HELZ2: variants seen among roughly 807,000 people sequenced by gnomAD.
HELZ2 encodes the protein helicase with zinc finger 2.
A neutral mutation model predicts 208.8 loss-of-function variants in HELZ2; 143 were observed. The ratio of observed to expected loss-of-function variants is 0.68; its 90% CI spans 0.60 to 0.79. HELZ2 has a LOEUF of 0.79. HELZ2 is among the 30% of genes least tolerant of loss of function. The probability of loss-of-function intolerance (pLI) is 0.00; values close to 1 mark genes in which losing one functional copy is unlikely to be tolerated. For synonymous variants in HELZ2, 1,705 were observed against 1,693.7 expected, an observed-to-expected ratio of 1.01 and a Z score of -0.16; for missense variants, 3,690 against 3,794.5, an observed-to-expected ratio of 0.97 and a Z score of 0.72.
At chr20:63,567,971 C>T (rs1420320828) in intron 5 of HELZ2, 4 of 537,132 alleles carry the variant, frequency 7.4e-6, no homozygotes, top group East Asian at 6.4e-5. Context: ...GGGAAGGCCC[C>T]GGCCTGGGGA....
At chr20:63,568,639 C>G (rs745402652) in exon 5 of HELZ2, 1 of 1,604,042 alleles carries the variant, frequency 6.2e-7, no homozygotes, top group South Asian at 1.1e-5. Context: ...TGTCCACTGC[C>G]TGGTGCCAGA....
exon 8 of HELZ2, chr20:63,564,474 C>T (rs755685714): frequency 1.3e-6 from 2 of 1,581,770 alleles, no homozygotes; most frequent in Non-Finnish European, 1.7e-6. Flanking sequence ...TCAGACTGGA[C>T]CACGGAGGGT....
At position 63,569,228 on chromosome 20, in the gene HELZ2, G is replaced by C. The variant is rs369559638; in HGVS notation, c.1008C>G (p.Pro336=). 73 of 1,560,152 alleles carry C rather than the reference G, an allele frequency of 4.7e-5. No individual in the cohort carries two copies. The African/African-American group carries it at 8.8e-4, about 19-fold the overall frequency. The change falls in exon 4 of 19, where the codon CCC becomes CCG. Residue 336 remains proline (P), a synonymous_variant. Coordinates refer to ENST00000467148, the Ensembl canonical transcript of HELZ2. ...TCTGCCGATAGTTGGTTGGTGAGAT[G>C]GGGCCCGAGGCCACGCTGCTGCGGT...
At chr20:63,564,857 T>C in exon 8 of HELZ2, 1 of 1,612,038 alleles carries the variant, frequency 6.2e-7, no homozygotes. Flanking sequence ...CGTGTGGTAT[T>C]TCTGCAGCAC....
exon 8 of HELZ2, chr20:63,564,176 A>G: frequency 1.2e-6 from 2 of 1,611,590 alleles, no homozygotes; most frequent in Non-Finnish European, 1.7e-6. Flanking sequence ...CAGAGGCGTG[A>G]CCGTCCGCGT....
rs372412870 is a variant in HELZ2 at position 63,566,332 on chromosome 20, G to T, written c.2590+46C>A. On this transcript the variant is annotated intron_variant, in intron 7 of 18. Coordinates refer to ENST00000467148, the Ensembl canonical transcript of HELZ2. ...CTGAGGAGTGGGCCGAGCCACCCGG[G>T]GTATCCTGGGGCAGCTGGCAGCACC... 2.6e-6 allele frequency: 4 copies of T among 1,532,682 alleles called. No individual in the cohort carries two copies. The East Asian group carries it at 7.3e-5, about 28-fold the overall frequency. The allele number at this position is 1,532,682 out of a possible 1,614,324, so 94.9% of individuals were successfully genotyped here.
chr20:63,569,069 TCCGCTCCCGTTGCCCCAG>T (rs2082992915), intron 4 of HELZ2, 61 bp downstream of exon 5: 10 of 1,587,688 alleles, frequency 6.3e-6, no homozygotes, highest in Non-Finnish European at 7.7e-6. Context: ...CACGCCCCCA[TCCGCTCCCGTTGCCCCAG>T]CCGCTCCCAT....
chr20:63,561,857 G>A (rs1301253301), exon 11 of HELZ2: 30 of 1,566,438 alleles, frequency 1.9e-5, no homozygotes, highest in African/African-American at 1.4e-4. Flanking sequence ...TGGAGGGGCC[G>A]CAGTACAAGA....
At chr20:63,570,651 C>T (rs1240186094) in intron 2 of HELZ2, 34 bp downstream of exon 3, 2 of 1,535,258 alleles carry the variant, frequency 1.3e-6, no homozygotes, top group Admixed American at 3.4e-5. Context: ...GCCTGGACCC[C>T]ACCCCACCCC....
At chr20:63,559,980 G>A (rs747561583) in exon 18 of HELZ2, 3 of 1,612,228 alleles carry the variant, frequency 1.9e-6, no homozygotes, top group Non-Finnish European at 2.5e-6. Context: ...TCACTTGGTT[G>A]GGGTCCACAA....
upstream of HELZ2, chr20:63,572,522 C>G: frequency 1.0e-6 from 1 of 961,232 alleles, no homozygotes; most frequent in Non-Finnish European, 1.5e-6. Context: ...TTGCTTGCGG[C>G]GGCCCTCGGC....
Position 63,567,092 on chromosome 20 carries a change from G to C in HELZ2, c.2266C>G (p.His756Asp), listed in dbSNP as rs2082969324. The C allele has an allele frequency of 3.7e-6, 6 of 1,612,034 alleles. No homozygotes were observed. Among genetic ancestry groups the C allele is most frequent in the African/African-American group, 2.7e-5 (2 of 74,950 alleles). Residue 756 changes from histidine to aspartate, a missense_variant, in exon 6 of 19, where the codon CAC becomes GAC. Transcript: ENST00000467148. ...GGGTTGCCCTTGGCCACGTAGAAGT[G>C]CCGCGAGATGAAGCTGACAATGGCG... is the stretch of plus-strand genomic sequence containing the variant.
chr20:63,564,003 G>C (rs1186636940), exon 8 of HELZ2: 1 of 1,604,472 alleles, frequency 6.2e-7, no homozygotes, highest in Admixed American at 1.7e-5. Context: ...GCAGCAAACT[G>C]GACCTGCTTC....
exon 4 of HELZ2, chr20:63,569,308 C>T (rs775843912): frequency 4.4e-6 from 7 of 1,577,882 alleles, no homozygotes; most frequent in South Asian, 2.3e-5. Context: ...GCCGTCTGCT[C>T]GGCCGTCCGC....
chr20:63,566,024 C>T (rs1440032448), exon 8 of HELZ2: 24 of 1,593,676 alleles, frequency 1.5e-5, no homozygotes, highest in African/African-American at 4.0e-5. Context: ...CACGCACTCA[C>T]GGATGAAGCT....
chr20:63,572,506 A>G, upstream of HELZ2: 2 of 1,117,256 alleles, frequency 1.8e-6, no homozygotes, highest in Non-Finnish European at 2.5e-6. Context: ...TCACCACCAC[A>G]AACTGTTGCT....
chr20:63,560,782 G>C lies in HELZ2; in HGVS notation c.7281+13C>G, dbSNP rs1437103867. The C allele has an allele frequency of 1.2e-6, 2 of 1,607,828 alleles. No individual in the cohort carries two copies. Among genetic ancestry groups the C allele is most frequent in the Admixed American group, 3.3e-5 (2 of 59,956 alleles). On this transcript the variant is annotated intron_variant, in intron 15 of 18. Coordinates refer to ENST00000467148, the Ensembl canonical transcript of HELZ2. ...GCTGCAGGTGGGCTGGGGGCTGAGT[G>C]GGGCGGGCTCACCATGCGGTACTGA... is the stretch of plus-strand genomic sequence containing the variant.
chr20:63,570,048 A>C, intron 3 of HELZ2: 1 of 420,804 alleles, frequency 2.4e-6, no homozygotes, highest in Non-Finnish European at 4.4e-6. Flanking sequence ...TCCTGGGTTC[A>C]AGTGATTTTC....
At chr20:63,565,462 C>T (rs775980239) in exon 8 of HELZ2, 1 of 1,608,500 alleles carries the variant, frequency 6.2e-7, no homozygotes, top group African/African-American at 1.3e-5. Flanking sequence ...CGTGCAGCAG[C>T]TTCCGTAGCG....
Sources: gnomAD v4.1 joint callset for allele counts on GRCh38, gnomAD v4.1.1 for gene constraint, MANE v1.5 for transcripts, NCBI Gene and HGNC (gene_info 2026-07-23, HGNC 2026-07-21) for gene names.